RNLS: variants seen among roughly 807,000 people sequenced by gnomAD.
The protein encoded by RNLS is renalase, FAD dependent amine oxidase, also known as renalase.
A neutral mutation model predicts 39.8 loss-of-function variants in RNLS; 39 were observed. The observed-to-expected ratio is 0.98, with a 90% confidence interval of 0.76 to 1.28. The LOEUF (loss-of-function observed/expected upper bound fraction) is 1.28, where lower values mean the gene tolerates loss of function less well. Among genes scored for constraint, RNLS ranks in the 50% most tolerant of loss-of-function variants. RNLS has a pLI of 0.00. For synonymous variants in RNLS, 147 were observed against 150.7 expected (o/e 0.98, Z 0.18); for missense variants, 410 against 413.3 (o/e 0.99, Z 0.07).
chr10:88,290,489 G>T (rs1203540333), intron 6 of RNLS, among the ~76,000 whole-genome samples: 2 of 152,088 alleles, frequency 1.3e-5, no homozygotes, highest in African/African-American at 4.8e-5. Context: ...TGCAAATTAT[G>T]CCACATTTCA....
At chr10:88,385,600 T>C (rs1416023029) in intron 4 of RNLS, among the ~76,000 whole-genome samples, 1 of 152,236 alleles carries the variant, frequency 6.6e-6, no homozygotes, top group Non-Finnish European at 1.5e-5. Flanking sequence ...TCTCTGTCTC[T>C]GCCAAGCAAA....
intron 4 of RNLS, among the ~76,000 whole-genome samples, chr10:88,557,811 G>C (rs1286402084): frequency 6.6e-6 from 1 of 152,124 alleles, no homozygotes; most frequent in Non-Finnish European, 1.5e-5. Flanking sequence ...AGCTCAGATG[G>C]GGAAAAGTTT....
chr10:88,442,937 T>C (rs1050823494), intron 4 of RNLS, among the ~76,000 whole-genome samples: 8 of 152,234 alleles, frequency 5.3e-5, no homozygotes, highest in African/African-American at 1.7e-4. Context: ...TACAGCCAGA[T>C]CTGAACTTGG....
At chr10:88,318,475 T>A (rs1003486634) in intron 5 of RNLS, among the ~76,000 whole-genome samples, 5 of 152,250 alleles carry the variant, frequency 3.3e-5, no homozygotes, top group African/African-American at 1.2e-4. Flanking sequence ...CTGGTATATG[T>A]GCACCTGGAG....
chr10:88,577,294 A>G (rs1017131849), intron 3 of RNLS, among the ~76,000 whole-genome samples: 1 of 152,194 alleles, frequency 6.6e-6, no homozygotes, highest in Non-Finnish European at 1.5e-5. Flanking sequence ...AAAATAATCA[A>G]TAAGGAAAGA....
chr10:88,522,905 A>G (rs1018264417), intron 4 of RNLS, among the ~76,000 whole-genome samples: 2 of 152,154 alleles, frequency 1.3e-5, no homozygotes, highest in African/African-American at 2.4e-5. Context: ...AAGGCAGCAA[A>G]GTGCAAATGC....
At chr10:88,379,759 A>G (rs1319341289) in intron 4 of RNLS, among the ~76,000 whole-genome samples, 2 of 152,214 alleles carry the variant, frequency 1.3e-5, no homozygotes, top group Non-Finnish European at 2.9e-5. Context: ...AAAAGATGAT[A>G]CAACTTATGG....
intron 6 of RNLS, among the ~76,000 whole-genome samples, chr10:88,286,108 T>C (rs1230681478): frequency 1.3e-5 from 2 of 152,116 alleles, no homozygotes; most frequent in East Asian, 1.9e-4. Flanking sequence ...ACCCACTCTA[T>C]GGTATTTTGC....
chr10:88,544,817 G>C (rs1384748709), intron 4 of RNLS, among the ~76,000 whole-genome samples: 1 of 152,138 alleles, frequency 6.6e-6, no homozygotes, highest in Non-Finnish European at 1.5e-5. Flanking sequence ...GCTTTGGTGG[G>C]AAATATGACT....
intron 4 of RNLS, among the ~76,000 whole-genome samples, chr10:88,561,201 G>A (rs967108092): frequency 6.6e-6 from 1 of 152,128 alleles, no homozygotes; most frequent in East Asian, 1.9e-4. Context: ...ATCCTCTCTA[G>A]ATAGACATGG....
At chr10:88,487,875 G>T (rs995792592) in intron 4 of RNLS, among the ~76,000 whole-genome samples, 2 of 151,970 alleles carry the variant, frequency 1.3e-5, no homozygotes, top group African/African-American at 4.8e-5. Flanking sequence ...TCCATAAAAG[G>T]GATACTAATC....
At chr10:88,300,462 G>A (rs532867152) in intron 6 of RNLS, among the ~76,000 whole-genome samples, 39 of 152,306 alleles carry the variant, frequency 2.6e-4, no homozygotes, top group African/African-American at 3.4e-4. Context: ...AAAAGTACAT[G>A]TGTTCTTGGA....
rs549960908 is a variant in RNLS at position 88,454,366 on chromosome 10, T to C, written c.527-91641A>G. Reference sequence around the variant, plus strand: ...GATCAATTTTGTATGTAGATCCACCTTTTCCCTTAGGTAGTTGCTGTATCC... The same window carrying C: ...GATCAATTTTGTATGTAGATCCACCCTTTCCCTTAGGTAGTTGCTGTATCC... On this transcript the variant is annotated intron_variant, in intron 4 of 6. Coordinates refer to ENST00000331772, the MANE Select transcript of RNLS (RefSeq NM_001031709.3). Among the ~76,000 whole-genome samples the C allele has an allele frequency of 2.0e-5, 3 of 152,312 alleles. No individual in the cohort carries two copies. The East Asian group carries it at 5.8e-4, about 29-fold the overall frequency.
chr10:88,183,855 C>T, the RNLS span, among the ~76,000 whole-genome samples: 1 of 152,068 alleles, frequency 6.6e-6, no homozygotes, highest in Admixed American at 6.6e-5. Context: ...GTAGATAATT[C>T]AAGATGGTTG....
chr10:88,343,881 T>G lies in RNLS; in HGVS notation c.700+18671A>C, dbSNP rs773189808. The G allele has an allele frequency of 6.4e-6, 6 of 944,832 alleles. No individual in the cohort carries two copies. In the African/African-American group the frequency reaches 1.1e-4, roughly 17 times the overall value. The allele number at this position is 944,832 out of a possible 1,614,324, so 58.5% of individuals were successfully genotyped here. On this transcript the variant is annotated intron_variant, in intron 5 of 6. Coordinates refer to ENST00000331772, the MANE Select transcript of RNLS (RefSeq NM_001031709.3). Reference sequence around the variant, plus strand: ...CGTCCCTGGAGCAGAGGATTTGTCCTAACTCACATTTGGTTTTCCAGGCTC... The same window carrying G: ...CGTCCCTGGAGCAGAGGATTTGTCCGAACTCACATTTGGTTTTCCAGGCTC...
the RNLS span, among the ~76,000 whole-genome samples, chr10:88,262,739 G>A: frequency 1.4e-4 from 21 of 152,118 alleles, no homozygotes; most frequent in Non-Finnish European, 1.0e-4. Flanking sequence ...AAGGTCTCCC[G>A]TGTCTCAGAA....
At chr10:88,538,442 T>C (rs1411972804) in intron 4 of RNLS, among the ~76,000 whole-genome samples, 1 of 152,180 alleles carries the variant, frequency 6.6e-6, no homozygotes, top group East Asian at 1.9e-4. Context: ...GCCACTGTTG[T>C]ATCTGATCAC....
chr10:88,382,798 G>GTGAT lies in RNLS; in HGVS notation c.527-20077_527-20074dup, dbSNP rs201779284. Among the ~76,000 whole-genome samples, 1,318 of 152,180 alleles carry GTGAT rather than the reference G, an allele frequency of 8.7e-3. 16 individuals are homozygous for GTGAT. Among genetic ancestry groups the GTGAT allele is most frequent in the Non-Finnish European group, 0.014 (970 of 67,914 alleles). ...TTGAGGAGTCAATTCTGAGTCTACAGTGATTAAAGAATTAGCCTAATGAAT... is the reference window on the plus strand; with the variant it reads ...TTGAGGAGTCAATTCTGAGTCTACAGTGATTGATTAAAGAATTAGCCTAATGAAT... On this transcript the variant is annotated intron_variant, in intron 4 of 6. Transcript: ENST00000331772.
the RNLS span, among the ~76,000 whole-genome samples, chr10:88,258,857 T>G: frequency 6.6e-6 from 1 of 152,304 alleles, no homozygotes; most frequent in East Asian, 1.9e-4. Context: ...GGGTCATTCC[T>G]TCACCAGAGA....
Sources: allele counts gnomAD v4.1 joint callset (sites outside exome capture counted in the v4.1 genomes callset), GRCh38; gene constraint gnomAD v4.1.1; transcripts MANE v1.5; gene names NCBI Gene and HGNC (gene_info 2026-07-23, HGNC 2026-07-21).